CRTC1: variants seen among roughly 807,000 people sequenced by gnomAD.
The protein encoded by CRTC1 is CREB regulated transcription coactivator 1.
CRTC1 carries 18 observed loss-of-function variants against 66.1 expected under a neutral mutation model. The ratio of observed to expected loss-of-function variants is 0.27; its 90% CI spans 0.19 to 0.40. The LOEUF (loss-of-function observed/expected upper bound fraction) is 0.40, where lower values mean the gene tolerates loss of function less well. Among genes scored for constraint, CRTC1 ranks in the 10% least tolerant of loss-of-function variants. CRTC1 has a pLI of 1.00. For synonymous variants in CRTC1, 416 were observed against 398.8 expected, an observed-to-expected ratio of 1.04 and a Z score of -0.51; for missense variants, 669 against 887.9, an observed-to-expected ratio of 0.75 and a Z score of 3.13.
intron 1 of CRTC1, among the ~76,000 whole-genome samples, chr19:18,721,077 A>C (rs1021205973): frequency 1.3e-5 from 2 of 152,008 alleles, no homozygotes; most frequent in African/African-American, 4.8e-5. Context: ...CGCTCTTTGC[A>C]TCACTCCAGT....
chr19:18,759,340 C>T (rs1283095888), intron 6 of CRTC1, among the ~76,000 whole-genome samples: 3 of 152,246 alleles, frequency 2.0e-5, no homozygotes, highest in African/African-American at 7.2e-5. Flanking sequence ...CTCTTGGCTT[C>T]GCGCTGGGCA....
At chr19:18,739,378 G>C (rs575360427) in intron 1 of CRTC1, among the ~76,000 whole-genome samples, 1 of 152,234 alleles carries the variant, frequency 6.6e-6, no homozygotes, top group Admixed American at 6.5e-5. Flanking sequence ...GCTGAGGAAG[G>C]GGGTGGCCAA....
At chr19:18,745,744 CTG>C (rs1400060525) in intron 2 of CRTC1, 77 bp from the exon 3 acceptor site, 15 of 1,579,550 alleles carry the variant, frequency 9.5e-6, no homozygotes, top group African/African-American at 2.7e-5. Flanking sequence ...CGATCAGACT[CTG>C]GGGCCAGCGC....
chr19:18,766,431 G>A (rs866752334), intron 9 of CRTC1, among the ~76,000 whole-genome samples: 3 of 146,384 alleles, frequency 2.0e-5, no homozygotes, highest in African/African-American at 5.1e-5. Flanking sequence ...GAGCCACCGC[G>A]CCTGACCGTA....
intron 1 of CRTC1, among the ~76,000 whole-genome samples, chr19:18,686,895 A>G (rs965354956): frequency 6.6e-6 from 1 of 151,940 alleles, no homozygotes; most frequent in Non-Finnish European, 1.5e-5. Context: ...GAGTGCTTCT[A>G]GCATCTGGTG....
At chr19:18,712,103 G>A (rs998896169) in intron 1 of CRTC1, among the ~76,000 whole-genome samples, 3 of 152,002 alleles carry the variant, frequency 2.0e-5, no homozygotes, top group Non-Finnish European at 4.4e-5. Flanking sequence ...ACCATGGCCA[G>A]CTAATTTTTA....
Position 18,742,897 on chromosome 19 carries a change from T to A in CRTC1, c.127-13T>A. 1 of 1,603,164 alleles carries A rather than the reference T, an allele frequency of 6.2e-7. No homozygotes were observed. Among genetic ancestry groups the A allele is most frequent in the Non-Finnish European group, 8.5e-7 (1 of 1,170,730 alleles). Reference sequence around the variant, plus strand: ...GGTGACCCCTCCCGCAGCTGCTGGCTTCTCTCTCGCAGCTCCAGCTCCAGA... The same window carrying A: ...GGTGACCCCTCCCGCAGCTGCTGGCATCTCTCTCGCAGCTCCAGCTCCAGA... On this transcript the variant is annotated splice_polypyrimidine_tract_variant and intron_variant, in intron 1 of 13. Coordinates refer to ENST00000321949, the MANE Select transcript of CRTC1 (RefSeq NM_015321.3).
intron 1 of CRTC1, among the ~76,000 whole-genome samples, chr19:18,739,617 C>T (rs2054070287): frequency 6.6e-6 from 1 of 152,188 alleles, no homozygotes; most frequent in Admixed American, 6.6e-5. Context: ...CTCAGGGTCT[C>T]AGTGGTTTGG....
At chr19:18,707,298 C>T (rs181355886) in intron 1 of CRTC1, among the ~76,000 whole-genome samples, 24 of 152,316 alleles carry the variant, frequency 1.6e-4, no homozygotes, top group African/African-American at 5.3e-4. Flanking sequence ...GATCAGGGCA[C>T]AGCTTCATTC....
rs958325340 is a variant in CRTC1 at position 18,778,860 on chromosome 19, C to A, written c.*1478C>A. The A allele has an allele frequency of 8.6e-6, 2 of 231,408 alleles. No homozygotes were observed. The highest frequency in any genetic ancestry group is 1.7e-5 in the Non-Finnish European group (2 of 116,966). The allele number at this position is 231,408 out of a possible 1,614,324, so 14.3% of individuals were successfully genotyped here. On this transcript the variant is annotated 3_prime_UTR_variant, in exon 14 of 14. Transcript: ENST00000321949. ...CTACCCTCTGGCTCCTAGCCCACAC[C>A]CCCTCTCTTGGGCAGCGTGGTCTGC...
At chr19:18,715,718 T>G (rs2053492047) in intron 1 of CRTC1, among the ~76,000 whole-genome samples, 1 of 152,240 alleles carries the variant, frequency 6.6e-6, no homozygotes, top group Non-Finnish European at 1.5e-5. Flanking sequence ...GTCATTTGTG[T>G]GATTGCATCT....
intron 1 of CRTC1, among the ~76,000 whole-genome samples, chr19:18,735,368 C>T (rs1392667227): frequency 6.6e-6 from 1 of 152,192 alleles, no homozygotes; most frequent in Non-Finnish European, 1.5e-5. Context: ...GTGTTCACCT[C>T]CTTTGTTCTG....
chr19:18,765,176 C>T (rs1313239309), intron 8 of CRTC1, among the ~76,000 whole-genome samples: 2 of 152,178 alleles, frequency 1.3e-5, no homozygotes, highest in East Asian at 3.9e-4. Flanking sequence ...GGCTGTGAGA[C>T]ACCCCCTTCC....
At chr19:18,716,102 C>T (rs532752463) in intron 1 of CRTC1, among the ~76,000 whole-genome samples, 2 of 152,172 alleles carry the variant, frequency 1.3e-5, no homozygotes, top group East Asian at 1.9e-4. Context: ...GTGGCATGTG[C>T]CCCCCGCTGC....
At chr19:18,700,524 A>C (rs1193468609) in intron 1 of CRTC1, among the ~76,000 whole-genome samples, 4 of 152,158 alleles carry the variant, frequency 2.6e-5, no homozygotes, top group Non-Finnish European at 5.9e-5. Flanking sequence ...AAAAAATGAA[A>C]ATAAAGAAAT....
rs560499404 is a variant in CRTC1 at position 18,758,372 on chromosome 19, AAAAG to A, written c.625-1171_625-1168del. Among the ~76,000 whole-genome samples the A allele has an allele frequency of 5.4e-3, 813 of 151,180 alleles. 11 individuals are homozygous for A. The highest frequency in any genetic ancestry group is 0.018 in the African/African-American group (753 of 41,390). ...GAGACTCCGTCTCTAAAAAAAAAAA[AAAAG>A]AAAGAAAAAAAAGGCAGAGGAGCCC... On this transcript the variant is annotated intron_variant, in intron 6 of 13. Coordinates refer to ENST00000321949, the MANE Select transcript of CRTC1 (RefSeq NM_015321.3).
At chr19:18,694,418 T>G (rs1009523612) in intron 1 of CRTC1, among the ~76,000 whole-genome samples, 3 of 152,178 alleles carry the variant, frequency 2.0e-5, no homozygotes, top group Admixed American at 2.0e-4. Flanking sequence ...TTTATTTTAT[T>G]AGAACATGGG....
chr19:18,759,663 C>T (rs1404310428), intron 7 of CRTC1, 72 bp downstream of exon 7: 2 of 1,535,306 alleles, frequency 1.3e-6, no homozygotes, highest in East Asian at 2.3e-5. Context: ...GGCATTCTGT[C>T]CACTCTCTTG....
intron 1 of CRTC1, among the ~76,000 whole-genome samples, chr19:18,729,385 C>A (rs1490846230): frequency 2.0e-5 from 3 of 148,140 alleles, no homozygotes; most frequent in Non-Finnish European, 4.5e-5. Flanking sequence ...GAGATCGCGC[C>A]ACTGCACTCT....
Sources: allele counts gnomAD v4.1 joint callset (sites outside exome capture counted in the v4.1 genomes callset), GRCh38; gene constraint gnomAD v4.1.1; transcripts MANE v1.5; gene names NCBI Gene and HGNC (gene_info 2026-07-23, HGNC 2026-07-21).